Variants in PTPRT observed in about 807,000 individuals in gnomAD.
The protein encoded by PTPRT is protein tyrosine phosphatase receptor type T, also known as receptor-type tyrosine-protein phosphatase T.
A neutral mutation model predicts 176.8 loss-of-function variants in PTPRT; 56 were observed. The observed-to-expected ratio is 0.32, with a 90% CI of 0.26 to 0.40. The LOEUF is 0.40. Among genes scored for constraint, PTPRT ranks in the 10% least tolerant of loss-of-function variants. The pLI, the probability that PTPRT is intolerant of heterozygous loss-of-function variation, is 1.00. For synonymous variants in PTPRT, 783 were observed against 739.0 expected (o/e 1.06, Z -0.96); for missense variants, 1,540 against 1,908.2 (o/e 0.81, Z 3.60).
chr20:42,872,598 T>G (rs1183233729), intron 2 of PTPRT, among the ~76,000 whole-genome samples: 3 of 152,230 alleles, frequency 2.0e-5, no homozygotes, highest in Admixed American at 2.0e-4. Flanking sequence ...ACCAATGTTT[T>G]GTTTTATAAA....
the PTPRT span, among the ~76,000 whole-genome samples, chr20:42,035,651 GA>G: frequency 1.3e-5 from 2 of 152,118 alleles, no homozygotes; most frequent in African/African-American, 2.4e-5. Flanking sequence ...ACATAATTAT[GA>G]TTGCCACTTT....
At chr20:42,042,789 C>T in the PTPRT span, among the ~76,000 whole-genome samples, 92 of 152,326 alleles carry the variant, frequency 6.0e-4, no homozygotes, top group African/African-American at 1.9e-3. Context: ...TTCCAACTTG[C>T]GAAAGCTCAT....
At chr20:42,091,480 T>C (rs1240127345) in intron 27 of PTPRT, among the ~76,000 whole-genome samples, 1 of 152,206 alleles carries the variant, frequency 6.6e-6, no homozygotes, top group Non-Finnish European at 1.5e-5. Flanking sequence ...TTATTAAAAA[T>C]ACTTTGATAA....
At chr20:42,296,001 AAT>A (rs1284484239) in intron 12 of PTPRT, among the ~76,000 whole-genome samples, 1 of 152,256 alleles carries the variant, frequency 6.6e-6, no homozygotes, top group Admixed American at 6.5e-5. Flanking sequence ...GAGTCAAACA[AAT>A]ATCTTTTCTT....
At chr20:42,513,063 T>C (rs2071987440) in intron 7 of PTPRT, among the ~76,000 whole-genome samples, 1 of 152,120 alleles carries the variant, frequency 6.6e-6, no homozygotes, top group Non-Finnish European at 1.5e-5. Context: ...TTTCACCATG[T>C]TGGCCAGGCT....
chr20:42,368,116 CT>C (rs749407457), intron 9 of PTPRT, among the ~76,000 whole-genome samples: 4 of 152,170 alleles, frequency 2.6e-5, no homozygotes, highest in Non-Finnish European at 5.9e-5. Context: ...GTTTCTAGAC[CT>C]TTCCTTCTGG....
At chr20:42,262,276 G>A (rs2056762917) in intron 13 of PTPRT, among the ~76,000 whole-genome samples, 1 of 152,224 alleles carries the variant, frequency 6.6e-6, no homozygotes, top group Admixed American at 6.5e-5. Flanking sequence ...TGGGAGGTGA[G>A]GAGGGTAGAA....
At chr20:43,016,170 G>T (rs1366965064) in intron 1 of PTPRT, among the ~76,000 whole-genome samples, 1 of 152,140 alleles carries the variant, frequency 6.6e-6, no homozygotes, top group Non-Finnish European at 1.5e-5. Context: ...CAGGGGGTAT[G>T]GAGCAAGGTC....
chr20:42,090,731 G>T (rs1984528588), intron 27 of PTPRT, among the ~76,000 whole-genome samples: 1 of 152,160 alleles, frequency 6.6e-6, no homozygotes, highest in Admixed American at 6.5e-5. Flanking sequence ...GGTTTCTTAA[G>T]GCTCAGGAAA....
intron 1 of PTPRT, among the ~76,000 whole-genome samples, chr20:42,979,535 C>T (rs74691346): frequency 0.036 from 5,440 of 151,806 alleles, 194 homozygotes; most frequent in African/African-American, 0.086. Context: ...TTATTTCAGA[C>T]GGGTGAAATG....
rs111619280 is a variant in PTPRT at position 42,371,394 on chromosome 20, A to G, written c.1561-19109T>C. ...TCTGCTGCCAAAGCACCACTTACAG[A>G]GAACACACTAAGAAAAAGCAACTGA... On this transcript the variant is annotated intron_variant, in intron 9 of 30. Transcript: ENST00000373187. Among the ~76,000 whole-genome samples, 1,153 of 152,336 alleles carry G rather than the reference A, an allele frequency of 7.6e-3. 17 individuals are homozygous for G. Among genetic ancestry groups the G allele is most frequent in the African/African-American group, 0.026 (1,081 of 41,578 alleles).
intron 15 of PTPRT, among the ~76,000 whole-genome samples, chr20:42,213,225 G>A (rs928957180): frequency 6.6e-6 from 1 of 152,220 alleles, no homozygotes; most frequent in Non-Finnish European, 1.5e-5. Flanking sequence ...GCATGCCAAA[G>A]TTTGAGAACC....
rs1240625850 is a variant in PTPRT at position 42,161,689 on chromosome 20, C to A, written c.2492-147G>T. ...GGAAACTGCAAAAGGATTGGAGATA[C>A]ACTCCTTCCCTGGCCTGGCTGTGTT... On this transcript the variant is annotated intron_variant, in intron 16 of 30. Coordinates refer to ENST00000373187, the MANE Select transcript of PTPRT (RefSeq NM_007050.6). The A allele has an allele frequency of 1.1e-5, 8 of 729,074 alleles. No individual in the cohort carries two copies. In the East Asian group the frequency reaches 2.2e-4, roughly 20 times the overall value. The allele number at this position is 729,074 out of a possible 1,614,324, so 45.2% of individuals were successfully genotyped here.
At chr20:42,727,175 G>A (rs1449735570) in intron 6 of PTPRT, among the ~76,000 whole-genome samples, 1 of 152,130 alleles carries the variant, frequency 6.6e-6, no homozygotes, top group African/African-American at 2.4e-5. Flanking sequence ...CCTGTCTCCT[G>A]ACTGCTCTTC....
At chr20:43,025,812 C>T (rs1203445225) in intron 1 of PTPRT, among the ~76,000 whole-genome samples, 1 of 152,106 alleles carries the variant, frequency 6.6e-6, no homozygotes, top group African/African-American at 2.4e-5. Context: ...TGAGGTGATC[C>T]ATCCCCAGAG....
At chr20:42,545,027 G>C (rs2072650167) in intron 7 of PTPRT, among the ~76,000 whole-genome samples, 1 of 152,142 alleles carries the variant, frequency 6.6e-6, no homozygotes, top group Non-Finnish European at 1.5e-5. Context: ...AAAACTAGCA[G>C]TGCTGTGAAG....
At chr20:42,603,353 G>A (rs145930532) in intron 7 of PTPRT, among the ~76,000 whole-genome samples, 3 of 152,226 alleles carry the variant, frequency 2.0e-5, no homozygotes, top group African/African-American at 7.2e-5. Context: ...AAGATCCAGG[G>A]GGCTAGGGGT....
At chr20:42,302,162 G>A (rs568567293) in intron 12 of PTPRT, among the ~76,000 whole-genome samples, 15 of 152,216 alleles carry the variant, frequency 9.9e-5, no homozygotes, top group Admixed American at 3.3e-4. Context: ...AAAATTTTGT[G>A]AGCACAAGTG....
At chr20:42,633,997 TATTATATA>T (rs2074504820) in intron 7 of PTPRT, among the ~76,000 whole-genome samples, 1 of 25,018 alleles carries the variant, frequency 4.0e-5, no homozygotes, top group Non-Finnish European at 6.2e-5. Flanking sequence ...ATATTATATA[TATTATATA>T]TATATAATAT....
Sources: gnomAD v4.1 joint callset for allele counts (sites outside exome capture counted in the v4.1 genomes callset) on GRCh38, gnomAD v4.1.1 for gene constraint, MANE v1.5 for transcripts, NCBI Gene and HGNC (gene_info 2026-07-23, HGNC 2026-07-21) for gene names.